BICRA: variants seen among roughly 807,000 people sequenced by gnomAD.
BICRA encodes the protein BRD4 interacting chromatin remodeling complex associated protein.
BICRA carries 31 observed loss-of-function variants against 96.9 expected under a neutral mutation model. The ratio of observed to expected loss-of-function variants is 0.32; its 90% CI spans 0.24 to 0.43. BICRA has a LOEUF of 0.43. Among genes scored for constraint, BICRA ranks in the 20% least tolerant of loss-of-function variants. BICRA has a pLI of 1.00. For synonymous variants in BICRA, 1,350 were observed against 1,071.8 expected, an observed-to-expected ratio of 1.26 and a Z score of -5.07; for missense variants, 2,283 against 2,190.3, an observed-to-expected ratio of 1.04 and a Z score of -0.84.
At chr19:47,651,127 C>T (rs565281959) in intron 1 of BICRA, among the ~76,000 whole-genome samples, 1 of 152,266 alleles carries the variant, frequency 6.6e-6, no homozygotes, top group Admixed American at 6.5e-5. Context: ...TCCGTCCTCA[C>T]CTTCTGCAGT....
intron 7 of BICRA, among the ~76,000 whole-genome samples, chr19:47,683,212 C>T (rs994250396): frequency 5.9e-5 from 9 of 152,110 alleles, no homozygotes; most frequent in Admixed American, 3.9e-4. Context: ...GCCAAATTGC[C>T]GCCTGTGGAG....
intron 1 of BICRA, among the ~76,000 whole-genome samples, chr19:47,632,701 A>G (rs1972238615): frequency 6.6e-6 from 1 of 152,190 alleles, no homozygotes; most frequent in African/African-American, 2.4e-5. Flanking sequence ...AGCAGAGAGC[A>G]CACAGTCAGA....
At chr19:47,626,684 A>G (rs1005226738) in intron 1 of BICRA, among the ~76,000 whole-genome samples, 5 of 145,840 alleles carry the variant, frequency 3.4e-5, no homozygotes, top group Non-Finnish European at 7.4e-5. Context: ...GTGAGATTAC[A>G]GGCATGAGCT....
intron 2 of BICRA, 40 bp from the exon 3 acceptor site, chr19:47,673,530 C>T (rs374305375): frequency 1.8e-5 from 29 of 1,578,508 alleles, no homozygotes; most frequent in Non-Finnish European, 2.4e-5. Context: ...AAAATCTAAC[C>T]TTGTCTCCCT....
Position 47,696,502 on chromosome 19 carries a change from A to T in BICRA, c.3238A>T (p.Lys1080Ter). Residue 1080 changes from lysine to a stop codon, truncating the protein, a stop_gained, in exon 11 of 15, where the codon AAG becomes TAG. Coordinates refer to ENST00000594866, the MANE Select transcript of BICRA (RefSeq NM_001394372.1). LOFTEE classifies it high-confidence loss of function. ...LKKPPTLQPS[K>*]EACFLEHLHK... Reference sequence around the variant, plus strand: ...GAAGCCCCCCACGCTTCAGCCCAGCAAGGAAGCCTGGTGAGTCCACACCCC... The same window carrying T: ...GAAGCCCCCCACGCTTCAGCCCAGCTAGGAAGCCTGGTGAGTCCACACCCC... The T allele has an allele frequency of 6.2e-7, 1 of 1,604,028 alleles. No individual in the cohort carries two copies. Among genetic ancestry groups the T allele is most frequent in the South Asian group, 1.1e-5 (1 of 88,960 alleles).
Position 47,699,412 on chromosome 19 carries a change from G to T in BICRA, c.3595+7G>T, listed in dbSNP as rs764244350. On this transcript the variant is annotated splice_region_variant and intron_variant, in intron 14 of 14. Transcript: ENST00000594866. The surrounding 1 kb of genome is among the most constrained non-coding windows in gnomAD (Gnocchi z 5.0). ...CTGGCCAAGGAGAAGCCGGGTGAGAGGGGGGAGTGAGAGGGGAGGGGAGGG... is the reference window on the plus strand; with the variant it reads ...CTGGCCAAGGAGAAGCCGGGTGAGATGGGGGAGTGAGAGGGGAGGGGAGGG... 4 of 1,498,590 alleles carry T rather than the reference G, an allele frequency of 2.7e-6. No homozygotes were observed. The African/African-American group carries it at 4.2e-5, about 16-fold the overall frequency. 92.8% of individuals were successfully genotyped at this position (1,498,590 alleles called of 1,614,324 possible). A position where few individuals can be genotyped will look rare whatever the true frequency, so the allele number is the denominator to read the frequency against.
Position 47,679,920 on chromosome 19 carries a change from C to A in BICRA, c.750C>A (p.Ser250=). 2.0e-6 allele frequency: 3 copies of A among 1,520,372 alleles called. No individual in the cohort carries two copies. The highest frequency in any genetic ancestry group is 2.6e-6 in the Non-Finnish European group (3 of 1,140,522). 94.2% of individuals were successfully genotyped at this position (1,520,372 alleles called of 1,614,324 possible). The change falls in exon 6 of 15, where the codon TCC becomes TCA. Residue 250 remains serine (S), a synonymous_variant. Transcript: ENST00000594866. ...QPVMALNTPT[S]QLLAKQVPVS... is the part of the protein sequence containing the mutation. ...TCATGGCGCTCAACACGCCCACCTCCCAGCTCCTGGCCAAGCAGGTGCCCG... is the reference window on the plus strand; with the variant it reads ...TCATGGCGCTCAACACGCCCACCTCACAGCTCCTGGCCAAGCAGGTGCCCG...
At chr19:47,631,733 C>G (rs577618001) in intron 1 of BICRA, among the ~76,000 whole-genome samples, 1 of 152,272 alleles carries the variant, frequency 6.6e-6, no homozygotes, top group South Asian at 2.1e-4. Context: ...ATGGCAGCCT[C>G]TGCCTCTTGG....
At chr19:47,620,667 C>CAAAAAAAA (rs10675281) in intron 1 of BICRA, among the ~76,000 whole-genome samples, 6 of 67,682 alleles carry the variant, frequency 8.9e-5, no homozygotes, top group Non-Finnish European at 1.3e-4. Flanking sequence ...GAGACTGTCT[C>CAAAAAAAA]AAAAAAAAAA....
At chr19:47,669,593 T>C (rs530095757) in intron 1 of BICRA, among the ~76,000 whole-genome samples, 157 of 152,168 alleles carry the variant, frequency 1.0e-3, no homozygotes, top group Non-Finnish European at 1.9e-3. Flanking sequence ...ATATATGTAG[T>C]ATATATATGG....
intron 1 of BICRA, among the ~76,000 whole-genome samples, chr19:47,633,525 C>A (rs1385179120): frequency 6.6e-6 from 1 of 152,074 alleles, no homozygotes; most frequent in Admixed American, 6.6e-5. Context: ...AAATTTAAGG[C>A]CTAATAGGCA....
At chr19:47,676,588 C>T (rs1972945386) in intron 5 of BICRA, among the ~76,000 whole-genome samples, 1 of 100,648 alleles carries the variant, frequency 9.9e-6, no homozygotes, top group East Asian at 2.6e-4. Flanking sequence ...CCCCGCCTCC[C>T]CTTCCTCCTT....
chr19:47,630,405 C>T (rs1719158021), intron 1 of BICRA, among the ~76,000 whole-genome samples: 1 of 151,544 alleles, frequency 6.6e-6, no homozygotes, highest in African/African-American at 2.4e-5. Context: ...ATCTCCTGAC[C>T]TCGTGATCTG....
chr19:47,618,772 A>G (rs1972019657), intron 1 of BICRA, among the ~76,000 whole-genome samples: 1 of 152,192 alleles, frequency 6.6e-6, no homozygotes, highest in Non-Finnish European at 1.5e-5. Context: ...GACCCTTGCT[A>G]AAGACCCTTG....
At chr19:47,657,630 T>C (rs1972640024) in intron 1 of BICRA, among the ~76,000 whole-genome samples, 1 of 152,016 alleles carries the variant, frequency 6.6e-6, no homozygotes, top group African/African-American at 2.4e-5. Flanking sequence ...TCTCCTGACC[T>C]TGTGATCCGC....
intron 7 of BICRA, among the ~76,000 whole-genome samples, chr19:47,683,830 C>T (rs578193647): frequency 5.9e-5 from 9 of 152,268 alleles, no homozygotes; most frequent in Non-Finnish European, 1.0e-4. Flanking sequence ...GTTATCCACC[C>T]GCCTCAGCCT....
At chr19:47,673,836 CAT>C in intron 4 of BICRA, 74 bp downstream of exon 4, 1 of 1,293,928 alleles carries the variant, frequency 7.7e-7, no homozygotes, top group East Asian at 2.3e-5. Flanking sequence ...CAGGGAGAGA[CAT>C]GTCCCTTTGA....
chr19:47,701,072 G>A lies in BICRA; in HGVS notation c.3596-256G>A. ...GGATTACAGGCCTGAGCCTTGTTTTGTATTCTCTTAATTTACTTATGTCTG... is the reference window on the plus strand; with the variant it reads ...GGATTACAGGCCTGAGCCTTGTTTTATATTCTCTTAATTTACTTATGTCTG... On this transcript the variant is annotated intron_variant, in intron 14 of 14. Transcript: ENST00000594866. This position sits in a 1 kb window ranked among gnomAD's most constrained non-coding sequence, Gnocchi z 5.4. 1.9e-6 allele frequency: 1 copy of A among 526,732 alleles called. No homozygotes were observed. 32.6% of individuals were successfully genotyped at this position (526,732 alleles called of 1,614,324 possible).
At chr19:47,612,311 G>T (rs1971920012) in intron 1 of BICRA, among the ~76,000 whole-genome samples, 1 of 151,998 alleles carries the variant, frequency 6.6e-6, no homozygotes, top group African/African-American at 2.4e-5. Context: ...GCTACTTGGG[G>T]GTGCTGAGGT....
Sources: allele counts gnomAD v4.1 joint callset (sites outside exome capture counted in the v4.1 genomes callset), GRCh38; gene constraint gnomAD v4.1.1; non-coding constraint Gnocchi (gnomAD v3.1); transcripts MANE v1.5; gene names NCBI Gene and HGNC (gene_info 2026-07-23, HGNC 2026-07-21).